IQCF1: variants seen among roughly 807,000 people sequenced by gnomAD.
The protein encoded by IQCF1 is IQ domain-containing protein F1.
In IQCF1, 9 loss-of-function variants were observed where a neutral mutation model predicts 12.5. The observed-to-expected ratio is 0.72, with a 90% confidence interval of 0.43 to 1.26. The LOEUF (loss-of-function observed/expected upper bound fraction) is 1.26, where lower values mean the gene tolerates loss of function less well. IQCF1 is among the 50% of genes most tolerant of loss of function. IQCF1 has a pLI of 0.00. For synonymous variants in IQCF1, 67 were observed against 96.2 expected, an observed-to-expected ratio of 0.70 and a Z score of 1.78; for missense variants, 252 against 257.4, an observed-to-expected ratio of 0.98 and a Z score of 0.14.
In IQCF1 at chr3:51,895,158, G is replaced by A. The variant is rs765230165; in HGVS notation, c.350C>T (p.Ala117Val). ...SKILKKRRQA[A>V]LEAFSRKEWA... ...CTCCTTCCGGGAGAAGGCCTCTAGC[G>A]CTGCCTGCCGCCTCTTCTTCAGAAT... is the stretch of plus-strand genomic sequence containing the variant. The change falls in exon 4 of 4, where the codon GCG becomes GTG. Residue 117 changes from alanine to valine, a missense_variant. Physicochemically the swap from Ala to Val is moderately conservative, Grantham distance 64. Coordinates refer to ENST00000310914, the MANE Select transcript of IQCF1 (RefSeq NM_152397.3). This position sits in a 1 kb window ranked among gnomAD's most constrained non-coding sequence, Gnocchi z 4.8. 1.7e-5 allele frequency: 27 copies of A among 1,614,106 alleles called. No individual in the cohort carries two copies. The highest frequency in any genetic ancestry group is 3.3e-5 in the Admixed American group (2 of 60,012).
chr3:51,899,067 T>TA (rs1168067069), intron 2 of IQCF1, among the ~76,000 whole-genome samples: 1 of 152,180 alleles, frequency 6.6e-6, no homozygotes, highest in African/African-American at 2.4e-5. Flanking sequence ...TCAACAAAAG[T>TA]AAAGTTGGCT....
At position 51,899,209 on chromosome 3, in the gene IQCF1, G is replaced by C. The variant is rs114540260; in HGVS notation, c.109-2315C>G. Among the ~76,000 whole-genome samples, 1,181 of 152,112 alleles carry C rather than the reference G, an allele frequency of 7.8e-3. 10 individuals are homozygous for C. Among genetic ancestry groups the C allele is most frequent in the African/African-American group, 0.028 (1,146 of 41,472 alleles). On this transcript the variant is annotated intron_variant, in intron 2 of 3. Coordinates refer to ENST00000310914, the MANE Select transcript of IQCF1 (RefSeq NM_152397.3). ...ATCTTCGAGGAAAAAAAAGGGGGTG[G>C]GGGGAGAATTTATGTAAAAAGGGAT...
rs1340183558 is a variant in IQCF1, at chr3:51,896,483, C to T, written c.171+349G>A. On this transcript the variant is annotated intron_variant, in intron 3 of 3. Transcript: ENST00000310914. ...GACTTCCTGAGGGCTGTGTCATGGA[C>T]CATGGTCACTCATACTTGGCTCAGA... Among the ~76,000 whole-genome samples the T allele has an allele frequency of 7.2e-5, 11 of 152,282 alleles. No homozygotes were observed. The East Asian group carries it at 1.3e-3, about 19-fold the overall frequency.
chr3:51,900,771 A>G lies in IQCF1; in HGVS notation c.108+2214T>C, dbSNP rs548559318. ...GAGGGACAGCCCCCGCCTCCCACTAACTGTCAGCTAAACCAGTGCAATCCT... is the reference window on the plus strand; with the variant it reads ...GAGGGACAGCCCCCGCCTCCCACTAGCTGTCAGCTAAACCAGTGCAATCCT... On this transcript the variant is annotated intron_variant, in intron 2 of 3. Coordinates refer to ENST00000310914, the MANE Select transcript of IQCF1 (RefSeq NM_152397.3). This position sits in a 1 kb window ranked among gnomAD's most constrained non-coding sequence, Gnocchi z 4.2. 6.6e-6 allele frequency among the ~76,000 whole-genome samples: 1 copy of G among 152,328 alleles called. No homozygotes were observed. Among genetic ancestry groups the G allele is most frequent in the African/African-American group, 2.4e-5 (1 of 41,572 alleles).
Position 51,895,238 on chromosome 3 carries a change from G to C in IQCF1, c.270C>G (p.His90Gln). The change falls in exon 4 of 4, where the codon CAC (histidine) becomes CAG (glutamine). Residue 90 changes from histidine to glutamine, a missense_variant. Transcript: ENST00000310914. The surrounding 1 kb of genome is among the most constrained non-coding windows in gnomAD (Gnocchi z 4.8). ...RGTLVRRALL[H>Q]AALSACIIQC... Reference sequence around the variant, plus strand: ...GAATGATGCAGGCACTGAGGGCTGCGTGCAACAGTGCCCGACGCACCAGGG... The same window carrying C: ...GAATGATGCAGGCACTGAGGGCTGCCTGCAACAGTGCCCGACGCACCAGGG... 1 of 1,614,142 alleles carries C rather than the reference G, an allele frequency of 6.2e-7. No individual in the cohort carries two copies. The highest frequency in any genetic ancestry group is 8.5e-7 in the Non-Finnish European group (1 of 1,179,998).
In IQCF1 at chr3:51,895,334, GGGCTTTC is replaced by G; in HGVS notation, c.172-5_173del. 1.4e-6 allele frequency: 2 copies of G among 1,475,814 alleles called. No homozygotes were observed. The allele number at this position is 1,475,814 out of a possible 1,614,324, so 91.4% of individuals were successfully genotyped here. A position where few individuals can be genotyped will look rare whatever the true frequency, so the allele number is the denominator to read the frequency against. Reference sequence around the variant, plus strand: ...CAGAGAGCTTCTTTTGGTTTTCTGGGGGCTTTCAAGAAAAAAAGAGGGACCTTCAGAG... The same window carrying G: ...CAGAGAGCTTCTTTTGGTTTTCTGGGAAGAAAAAAAGAGGGACCTTCAGAG... On this transcript the variant is annotated splice_acceptor_variant and splice_polypyrimidine_tract_variant and coding_sequence_variant and intron_variant, in exon 4 of 4. Coordinates refer to ENST00000310914, the MANE Select transcript of IQCF1 (RefSeq NM_152397.3). LOFTEE classifies it high-confidence loss of function. The surrounding 1 kb of genome is among the most constrained non-coding windows in gnomAD (Gnocchi z 4.8).
At chr3:51,902,150 C>T (rs1023801716) in intron 2 of IQCF1, among the ~76,000 whole-genome samples, 43 of 152,116 alleles carry the variant, frequency 2.8e-4, no homozygotes, top group Non-Finnish European at 4.7e-4. Flanking sequence ...CCCTGGCAGC[C>T]GCAATGGGTG....
At chr3:51,896,297 A>T (rs1699001624) in intron 3 of IQCF1, among the ~76,000 whole-genome samples, 1 of 152,208 alleles carries the variant, frequency 6.6e-6, no homozygotes, top group Non-Finnish European at 1.5e-5. Flanking sequence ...ATTCACCTGT[A>T]GCCTGGAAAC....
intron 2 of IQCF1, among the ~76,000 whole-genome samples, chr3:51,899,379 G>A (rs1402919895): frequency 6.6e-6 from 1 of 152,180 alleles, no homozygotes; most frequent in Non-Finnish European, 1.5e-5. Flanking sequence ...ATTTATGCAA[G>A]AAGTGTTGTA....
intron 2 of IQCF1, among the ~76,000 whole-genome samples, chr3:51,898,760 C>T (rs1348016097): frequency 1.3e-5 from 2 of 152,188 alleles, no homozygotes; most frequent in Non-Finnish European, 2.9e-5. Flanking sequence ...ATCTTAATTA[C>T]CATACAAAGG....
chr3:51,896,724 CA>C, intron 3 of IQCF1, 107 bp downstream of exon 3: 1 of 840,936 alleles, frequency 1.2e-6, no homozygotes. Flanking sequence ...CACACACACA[CA>C]CACATACTTC....
In IQCF1 at chr3:51,895,051, TG is replaced by T. The variant is rs771746177; in HGVS notation, c.456del (p.Ile153SerfsTer43). On this transcript the variant is annotated frameshift_variant, in exon 4 of 4. Transcript: ENST00000310914. LOFTEE classifies it low-confidence loss of function (END_TRUNC). This position sits in a 1 kb window ranked among gnomAD's most constrained non-coding sequence, Gnocchi z 4.8. ...RRYCQVLNAV[R>X]IIQAYWRCRS... The stretch of plus-strand genomic sequence containing the variant: ...CGGCACCTCCAGTAAGCCTGGATGA[TG>T]CGAACAGCATTGAGCACCTGGCAAT... 9 of 1,614,230 alleles carry T rather than the reference TG, an allele frequency of 5.6e-6. No homozygotes were observed. The highest frequency in any genetic ancestry group is 7.6e-6 in the Non-Finnish European group (9 of 1,180,036).
At chr3:51,897,438 T>G (rs1370427642) in intron 2 of IQCF1, among the ~76,000 whole-genome samples, 3 of 152,190 alleles carry the variant, frequency 2.0e-5, no homozygotes, top group Non-Finnish European at 4.4e-5. Context: ...TTATAACAAT[T>G]TGGGGGCTCG....
At chr3:51,902,814 C>A (rs777779308) in intron 2 of IQCF1, 171 bp downstream of exon 2, 3 of 697,166 alleles carry the variant, frequency 4.3e-6, no homozygotes, top group Non-Finnish European at 7.9e-6. Context: ...TAAGGGCGCA[C>A]CCTTCTATAG....
chr3:51,899,012 T>G (rs2106643180), intron 2 of IQCF1, among the ~76,000 whole-genome samples: 1 of 152,350 alleles, frequency 6.6e-6, no homozygotes, highest in Non-Finnish European at 1.5e-5. Flanking sequence ...TGAACAGATC[T>G]TATTAATAGC....
In IQCF1 at chr3:51,895,017, G is replaced by C; in HGVS notation, c.491C>G (p.Ala164Gly). 6.2e-7 allele frequency: 1 copy of C among 1,614,260 alleles called. No individual in the cohort carries two copies. The highest frequency in any genetic ancestry group is 8.5e-7 in the Non-Finnish European group (1 of 1,180,038). The part of the protein sequence containing the change: ...IQAYWRCRSC[A>G]SRGFIKGQYR... ...CTGGCCCTTGATGAACCCCCGGGAA[G>C]CACAGGAGCGGCACCTCCAGTAAGC... Residue 164 changes from alanine to glycine, a missense_variant, in exon 4 of 4, where the codon GCT (alanine) becomes GGT (glycine). Ala to Gly is a moderately conservative substitution (Grantham distance 60). Coordinates refer to ENST00000310914, the MANE Select transcript of IQCF1 (RefSeq NM_152397.3). This position sits in a 1 kb window ranked among gnomAD's most constrained non-coding sequence, Gnocchi z 4.8.
At chr3:51,898,387 A>T (rs1264460899) in intron 2 of IQCF1, among the ~76,000 whole-genome samples, 2 of 152,228 alleles carry the variant, frequency 1.3e-5, no homozygotes, top group Non-Finnish European at 2.9e-5. Context: ...TAACAGTCCA[A>T]TACCACCTTG....
chr3:51,896,699 A>ACACACACACACACG (rs1699007375), intron 3 of IQCF1, 133 bp downstream of exon 3: 2 of 662,140 alleles, frequency 3.0e-6, no homozygotes, highest in Non-Finnish European at 5.5e-6. Flanking sequence ...ACGCGCGCAC[A>ACACACACACACACG]CACACACACA....
At position 51,895,781 on chromosome 3, in the gene IQCF1, C is replaced by A. The variant is rs1698996137; in HGVS notation, c.172-445G>T. On this transcript the variant is annotated intron_variant, in intron 3 of 3. Coordinates refer to ENST00000310914, the MANE Select transcript of IQCF1 (RefSeq NM_152397.3). The surrounding 1 kb of genome is among the most constrained non-coding windows in gnomAD (Gnocchi z 4.8). ...CAACCGTTCATAGCCACAGCCTGTTCTCTCCCTCTGTCATGTCTGAAGACT... is the reference window on the plus strand; with the variant it reads ...CAACCGTTCATAGCCACAGCCTGTTATCTCCCTCTGTCATGTCTGAAGACT... Among the ~76,000 whole-genome samples, 1 of 152,166 alleles carries A rather than the reference C, an allele frequency of 6.6e-6. No individual in the cohort carries two copies. The highest frequency in any genetic ancestry group is 1.5e-5 in the Non-Finnish European group (1 of 68,028).
Sources: allele counts gnomAD v4.1 joint callset (sites outside exome capture counted in the v4.1 genomes callset), GRCh38; gene constraint gnomAD v4.1.1; non-coding constraint Gnocchi (gnomAD v3.1); transcripts MANE v1.5; gene names NCBI Gene and HGNC (gene_info 2026-07-23, HGNC 2026-07-21).